Variants in SLC4A8 observed in about 807,000 individuals in gnomAD.
SLC4A8 encodes the protein electroneutral sodium bicarbonate exchanger 1.
SLC4A8 carries 40 observed loss-of-function variants against 125.0 expected under a neutral mutation model. The ratio of observed to expected loss-of-function variants is 0.32; its 90% confidence interval spans 0.25 to 0.42. The LOEUF is 0.42. SLC4A8 is among the 10% of genes least tolerant of loss of function. The pLI is 1.00. For synonymous variants in SLC4A8, 456 were observed against 476.0 expected (o/e 0.96, Z 0.55); for missense variants, 863 against 1,355.1 (o/e 0.64, Z 5.70).
intron 9 of SLC4A8, chr12:51,462,085 T>C (rs1363266778): frequency 1.5e-5 from 8 of 523,538 alleles, no homozygotes; most frequent in Non-Finnish European, 2.7e-5. Context: ...TCTCTTCTTA[T>C]ACTAGCAGAC....
chr12:51,512,572 G>A lies in SLC4A8; in HGVS notation c.*5134G>A, dbSNP rs986413930. ...CTTAGGTCTGTGGCTGGTCACTGTGGTGAAAGAGTCAAGGTGGGCAGTGTT... is the reference window on the plus strand; with the variant it reads ...CTTAGGTCTGTGGCTGGTCACTGTGATGAAAGAGTCAAGGTGGGCAGTGTT... On this transcript the variant is annotated 3_prime_UTR_variant, in exon 25 of 25. Coordinates refer to ENST00000453097, the MANE Select transcript of SLC4A8 (RefSeq NM_001039960.3). 3 of 152,328 alleles carry A rather than the reference G, an allele frequency of 2.0e-5. No individual in the cohort carries two copies. Among genetic ancestry groups the A allele is most frequent in the African/African-American group, 4.8e-5 (2 of 41,436 alleles). 9.4% of individuals were successfully genotyped at this position (152,328 alleles called of 1,614,324 possible).
At chr12:51,429,098 G>A (rs1218154165) in intron 1 of SLC4A8, among the ~76,000 whole-genome samples, 1 of 152,010 alleles carries the variant, frequency 6.6e-6, no homozygotes, top group East Asian at 1.9e-4. Flanking sequence ...TTTTAGTAGA[G>A]ATGGGGTTTC....
chr12:51,505,865 T>C lies in SLC4A8; in HGVS notation c.3204T>C (p.Asp1068=), dbSNP rs1313764223. 11 of 1,581,080 alleles carry C rather than the reference T, an allele frequency of 7.0e-6. No individual in the cohort carries two copies. The Admixed American group carries it at 1.3e-4, about 19-fold the overall frequency. ...RCDPSEINIS[D]EMPKTTVWKA... ...ACCCCTCTGAGATTAATATATCTGA[T>C]GAAATGCCTAAAACTACAGTTTGGA... The change falls in exon 24 of 25, where the codon GAT becomes GAC. Residue 1068 remains aspartate, a synonymous_variant. Coordinates refer to ENST00000453097, the MANE Select transcript of SLC4A8 (RefSeq NM_001039960.3).
At chr12:51,428,811 A>C (rs1277789001) in intron 1 of SLC4A8, among the ~76,000 whole-genome samples, 1 of 152,236 alleles carries the variant, frequency 6.6e-6, no homozygotes, top group East Asian at 1.9e-4. Flanking sequence ...ATCTCACTTA[A>C]TGCTCTCTAT....
upstream of SLC4A8, among the ~76,000 whole-genome samples, chr12:51,421,723 GT>G (rs1490054556): frequency 2.6e-5 from 4 of 152,150 alleles, no homozygotes; most frequent in East Asian, 7.7e-4. Flanking sequence ...CCTGCCTCAG[GT>G]TTCCCCCTCT....
intron 11 of SLC4A8, chr12:51,469,324 A>T: frequency 4.2e-6 from 1 of 238,952 alleles, no homozygotes; most frequent in Non-Finnish European, 8.0e-6. Context: ...GTCTGAAGCT[A>T]ATACTTGCTT....
Position 51,488,861 on chromosome 12 carries a change from G to T in SLC4A8, c.2448+1G>T. The T allele has an allele frequency of 6.2e-7, 1 of 1,609,962 alleles. No individual in the cohort carries two copies. On this transcript the variant is annotated splice_donor_variant, in intron 18 of 24. Transcript: ENST00000453097. LOFTEE classifies it high-confidence loss of function. ...TAACAGGAAGGAACATAAGCTCAAG[G>T]TAAAAAGAGGTTCTGACCTAGAAGG... is the stretch of plus-strand genomic sequence containing the variant.
chr12:51,457,089 C>T (rs1189157414), intron 5 of SLC4A8, among the ~76,000 whole-genome samples: 1 of 152,188 alleles, frequency 6.6e-6, no homozygotes. Context: ...GCCTTAATTT[C>T]CTCATTTGTA....
chr12:51,393,318 C>T (rs930585507), intron 1 of SLC4A8, among the ~76,000 whole-genome samples: 6 of 152,020 alleles, frequency 3.9e-5, no homozygotes, highest in Non-Finnish European at 7.4e-5. Context: ...TGGTTTCAAA[C>T]TCCTGGGCTC....
upstream of SLC4A8, among the ~76,000 whole-genome samples, chr12:51,423,989 A>G (rs1948858758): frequency 2.1e-5 from 3 of 140,170 alleles, no homozygotes; most frequent in Admixed American, 2.3e-4. Flanking sequence ...TGATCCAAGA[A>G]CACGCCATTG....
At chr12:51,393,882 C>T (rs1193621028) in intron 1 of SLC4A8, among the ~76,000 whole-genome samples, 8 of 152,218 alleles carry the variant, frequency 5.3e-5, no homozygotes, top group Non-Finnish European at 1.2e-4. Flanking sequence ...CACCTCACTG[C>T]CCCAGCTGCT....
chr12:51,415,181 A>G (rs887527742), intron 1 of SLC4A8, among the ~76,000 whole-genome samples: 22 of 144,788 alleles, frequency 1.5e-4, no homozygotes, highest in African/African-American at 4.5e-4. Context: ...TTACCATTGG[A>G]AAAAAAAAAA....
At position 51,512,513 on chromosome 12, in the gene SLC4A8, C is replaced by G. The variant is rs563625332; in HGVS notation, c.*5075C>G. 87 of 152,326 alleles carry G rather than the reference C, an allele frequency of 5.7e-4. No homozygotes were observed. Among genetic ancestry groups the G allele is most frequent in the African/African-American group, 1.9e-3 (81 of 41,548 alleles). The allele number at this position is 152,326 out of a possible 1,614,324, so 9.4% of individuals were successfully genotyped here. On this transcript the variant is annotated 3_prime_UTR_variant, in exon 25 of 25. Coordinates refer to ENST00000453097, the MANE Select transcript of SLC4A8 (RefSeq NM_001039960.3). ...CTCCCTCCTCTTGTCCAACTTCCACCAAACACTCAATCCGAGTCCTGGCTG... is the reference window on the plus strand; with the variant it reads ...CTCCCTCCTCTTGTCCAACTTCCACGAAACACTCAATCCGAGTCCTGGCTG...
Position 51,457,366 on chromosome 12 carries a change from A to T in SLC4A8, c.590A>T (p.Gln197Leu). 1 of 1,613,790 alleles carries T rather than the reference A, an allele frequency of 6.2e-7. No individual in the cohort carries two copies. Among genetic ancestry groups the T allele is most frequent in the South Asian group, 1.1e-5 (1 of 91,026 alleles). ...IEEISDLILD[Q>L]QELSSDLNDS... is the part of the protein sequence containing the mutation. ...TGCTTTCCAGACCTGATCCTGGATC[A>T]GCAAGAACTGTCCAGTGACCTGAAT... The change falls in exon 6 of 25, where the codon CAG becomes CTG. Residue 197 changes from glutamine to leucine, a missense_variant. Gln to Leu is a moderately radical substitution (Grantham distance 113). This residue lies in a region of SLC4A8 where 390 missense variants were observed against 634.4 expected (regional missense o/e 0.61). Transcript: ENST00000453097.
At chr12:51,424,054 C>CAAAAAAAAAAAAAAAAAAAAAAAAAA (rs1334821004), upstream of SLC4A8, among the ~76,000 whole-genome samples, 5 of 77,354 alleles carry the variant, frequency 6.5e-5, no homozygotes, top group Non-Finnish European at 1.2e-4. Flanking sequence ...AAAAAAAAAA[C>CAAAAAAAAAAAAAAAAAAAAAAAAAA]AAAAAAAACA....
rs1393668166 is a variant in SLC4A8, at chr12:51,514,517, C to CTGAGAATGG, written c.*7084_*7092dup. The CTGAGAATGG allele has an allele frequency of 2.0e-5, 3 of 152,276 alleles. No homozygotes were observed. Among genetic ancestry groups the CTGAGAATGG allele is most frequent in the African/African-American group, 7.2e-5 (3 of 41,536 alleles). The allele number at this position is 152,276 out of a possible 1,614,324, so 9.4% of individuals were successfully genotyped here. On this transcript the variant is annotated 3_prime_UTR_variant, in exon 25 of 25. Transcript: ENST00000453097. ...CTAAAACCACCACCAGCTGGGGGTG[C>CTGAGAATGG]TGAGAATGGTGAGGAGTTGGACAGT...
At chr12:51,457,694 G>A (rs1045085671) in intron 6 of SLC4A8, among the ~76,000 whole-genome samples, 155 bp downstream of exon 6, 16 of 152,074 alleles carry the variant, frequency 1.1e-4, no homozygotes, top group Admixed American at 6.5e-4. Context: ...AAGATTGGTG[G>A]CTGGGACTGG....
At position 51,424,976 on chromosome 12, in the gene SLC4A8, T is replaced by G; in HGVS notation, c.-12T>G. Reference sequence around the variant, plus strand: ...CTTGGAGCCCGTGGGGGAGACCTAGTTCGGCTCCGCCATGCCGGCCGCCGG... The same window carrying G: ...CTTGGAGCCCGTGGGGGAGACCTAGGTCGGCTCCGCCATGCCGGCCGCCGG... On this transcript the variant is annotated 5_prime_UTR_variant, in exon 1 of 25. Coordinates refer to ENST00000453097, the MANE Select transcript of SLC4A8 (RefSeq NM_001039960.3). 5 of 1,552,252 alleles carry G rather than the reference T, an allele frequency of 3.2e-6. No individual in the cohort carries two copies. The highest frequency in any genetic ancestry group is 4.4e-6 in the Non-Finnish European group (5 of 1,148,088).
intron 22 of SLC4A8, among the ~76,000 whole-genome samples, chr12:51,498,150 G>A (rs1937654580): frequency 2.0e-5 from 3 of 151,878 alleles, no homozygotes; most frequent in Admixed American, 2.0e-4. Flanking sequence ...TAAAGTCAAT[G>A]GAAGAAAACT....
Sources: allele counts gnomAD v4.1 joint callset (sites outside exome capture counted in the v4.1 genomes callset), GRCh38; gene constraint gnomAD v4.1.1; regional missense constraint gnomAD v4.1.1; transcripts MANE v1.5; gene names NCBI Gene and HGNC (gene_info 2026-07-23, HGNC 2026-07-21).